The following RBFOX1 variants were observed in gnomAD, a reference collection of about 807,000 sequenced individuals.
RBFOX1 encodes the protein RNA binding protein fox-1 homolog 1.
Under a neutral mutation model 57.7 loss-of-function variants are expected in RBFOX1, and 8 were observed. The ratio of observed to expected loss-of-function variants is 0.14; its 90% CI spans 0.08 to 0.25. The LOEUF (loss-of-function observed/expected upper bound fraction) is 0.25, where lower values mean the gene tolerates loss of function less well. Ranked by LOEUF, RBFOX1 falls within the 10% of genes least tolerant of loss-of-function variation. The pLI is 1.00. For synonymous variants in RBFOX1, 326 were observed against 222.4 expected (o/e 1.47, Z -4.15); for missense variants, 611 against 548.5 (o/e 1.11, Z -1.14).
intron 3 of RBFOX1, among the ~76,000 whole-genome samples, chr16:6,865,902 G>A (rs1048162149): frequency 6.6e-6 from 1 of 152,090 alleles, no homozygotes; most frequent in African/African-American, 2.4e-5. Context: ...GTAACTTAGT[G>A]TTGAAACATT....
intron 3 of RBFOX1, among the ~76,000 whole-genome samples, chr16:6,995,394 A>G (rs1237729118): frequency 6.7e-6 from 1 of 149,664 alleles, no homozygotes; most frequent in Non-Finnish European, 1.5e-5. Context: ...TTTTCACTTT[A>G]TTATTGTGAC....
chr16:6,735,652 TG>T (rs2070018908), intron 3 of RBFOX1, among the ~76,000 whole-genome samples: 1 of 152,210 alleles, frequency 6.6e-6, no homozygotes, highest in African/African-American at 2.4e-5. Context: ...ACAAAATGTT[TG>T]GGTAACAATG....
intron 3 of RBFOX1, among the ~76,000 whole-genome samples, chr16:7,032,386 A>G (rs981618198): frequency 3.3e-5 from 5 of 152,138 alleles, no homozygotes; most frequent in Non-Finnish European, 7.4e-5. Flanking sequence ...TGGAGGTTGC[A>G]GTGAGCTGAG....
Position 6,522,589 on chromosome 16 carries a change from T to C in RBFOX1, c.-63-132014T>C, listed in dbSNP as rs117852881. 9.8e-3 allele frequency among the ~76,000 whole-genome samples: 1,490 copies of C among 152,298 alleles called. 17 individuals carry two copies. Among genetic ancestry groups the C allele is most frequent in the Middle Eastern group, 0.051 (15 of 294 alleles). ...GCTGACAGGAAAGTGTGAGGGTGGC[T>C]TGTAAAGTTAAATATGACCTGTTCA... On this transcript the variant is annotated intron_variant, in intron 2 of 15. Transcript: ENST00000550418.
intron 4 of RBFOX1, among the ~76,000 whole-genome samples, chr16:7,155,193 C>G (rs1056803257): frequency 6.6e-6 from 1 of 152,038 alleles, no homozygotes; most frequent in Non-Finnish European, 1.5e-5. Context: ...TAAAATCAAG[C>G]TGAAACAAAG....
At chr16:5,788,210 A>G (rs75664239) in intron 3 of RBFOX1, among the ~76,000 whole-genome samples, 4,813 of 152,206 alleles carry the variant, frequency 0.032, 235 homozygotes, top group African/African-American at 0.11. Flanking sequence ...CCGGTAGTTT[A>G]TTTACCCTGG....
At chr16:6,148,491 C>T (rs1407364239) in intron 1 of RBFOX1, among the ~76,000 whole-genome samples, 6 of 152,172 alleles carry the variant, frequency 3.9e-5, no homozygotes, top group Non-Finnish European at 8.8e-5. Flanking sequence ...ATGGATGGCT[C>T]ATTCTTCTTT....
At chr16:7,209,668 A>G (rs189844982) in intron 4 of RBFOX1, among the ~76,000 whole-genome samples, 1 of 152,172 alleles carries the variant, frequency 6.6e-6, no homozygotes, top group Non-Finnish European at 1.5e-5. Context: ...ATTTAAAAAA[A>G]TTTTTAATCC....
chr16:5,984,958 ATATATATATATATATATATTTT>A (rs2060251805), intron 4 of RBFOX1, among the ~76,000 whole-genome samples: 1 of 29,410 alleles, frequency 3.4e-5, no homozygotes, highest in Non-Finnish European at 6.4e-5. Context: ...ATATATATAT[ATATATATATATATATATATTTT>A]TTTTTTTTTT....
intron 1 of RBFOX1, among the ~76,000 whole-genome samples, chr16:5,427,418 C>A (rs536030638): frequency 3.0e-4 from 45 of 152,216 alleles, no homozygotes; most frequent in African/African-American, 1.1e-3. Context: ...AATCCTGTCT[C>A]TACTAAAAAT....
intron 3 of RBFOX1, among the ~76,000 whole-genome samples, chr16:7,041,592 G>C (rs1352647913): frequency 6.6e-6 from 1 of 152,138 alleles, no homozygotes; most frequent in East Asian, 1.9e-4. Flanking sequence ...GTTCTACATA[G>C]TGATAACTGC....
At chr16:6,327,649 G>A (rs1293052078) in intron 2 of RBFOX1, among the ~76,000 whole-genome samples, 1 of 152,128 alleles carries the variant, frequency 6.6e-6, no homozygotes, top group African/African-American at 2.4e-5. Context: ...ACAGAATAGA[G>A]AGGGAATCTT....
chr16:5,246,354 T>C (rs1053870200), intron 1 of RBFOX1, among the ~76,000 whole-genome samples: 5 of 152,226 alleles, frequency 3.3e-5, no homozygotes, highest in Admixed American at 6.5e-5. Flanking sequence ...ACAAAAAGTA[T>C]GTACAAGAGG....
At chr16:6,978,528 A>T (rs1266174695) in intron 3 of RBFOX1, among the ~76,000 whole-genome samples, 1 of 152,166 alleles carries the variant, frequency 6.6e-6, no homozygotes, top group Non-Finnish European at 1.5e-5. Context: ...GCTGAGGTTC[A>T]TAGAAGTTAA....
At chr16:6,690,428 A>G (rs2060036916) in intron 3 of RBFOX1, among the ~76,000 whole-genome samples, 1 of 152,186 alleles carries the variant, frequency 6.6e-6, no homozygotes, top group Non-Finnish European at 1.5e-5. Context: ...AAATGGAGGG[A>G]CTATTTGAAA....
chr16:7,536,950 T>G (rs1442963836), intron 5 of RBFOX1, among the ~76,000 whole-genome samples: 1 of 152,158 alleles, frequency 6.6e-6, no homozygotes, highest in African/African-American at 2.4e-5. Flanking sequence ...AGTGTAGCTG[T>G]GTGGACGGGC....
chr16:6,557,670 C>G (rs932351924), intron 2 of RBFOX1, among the ~76,000 whole-genome samples: 1 of 152,196 alleles, frequency 6.6e-6, no homozygotes, highest in Non-Finnish European at 1.5e-5. Context: ...GGGGAAAATG[C>G]TCCTTTCGAC....
At chr16:6,727,890 T>C (rs2067616458) in intron 3 of RBFOX1, among the ~76,000 whole-genome samples, 1 of 152,192 alleles carries the variant, frequency 6.6e-6, no homozygotes, top group African/African-American at 2.4e-5. Context: ...TTTACCTGAT[T>C]CCATTTTGAA....
intron 3 of RBFOX1, among the ~76,000 whole-genome samples, chr16:5,765,206 A>C (rs1049758455): frequency 1.3e-5 from 2 of 152,182 alleles, no homozygotes; most frequent in African/African-American, 2.4e-5. Flanking sequence ...TCCTCTCCAG[A>C]ATGTGCTTAA....
Sources: allele counts gnomAD v4.1 joint callset (sites outside exome capture counted in the v4.1 genomes callset), GRCh38; gene constraint gnomAD v4.1.1; transcripts MANE v1.5; gene names NCBI Gene and HGNC (gene_info 2026-07-23, HGNC 2026-07-21).